The following CEP83 variants were observed in gnomAD, a reference collection of about 807,000 sequenced individuals.
CEP83 encodes the protein centrosomal protein 83.
In CEP83, 70 loss-of-function variants were observed where a neutral mutation model predicts 101.9. That is an observed-to-expected ratio of 0.69 (90% CI 0.57 to 0.84). The LOEUF (loss-of-function observed/expected upper bound fraction) is 0.84. Among genes scored for constraint, CEP83 ranks in the 40% least tolerant of loss-of-function variants. The probability of loss-of-function intolerance (pLI) is 0.00; values close to 1 mark genes in which losing one functional copy is unlikely to be tolerated. For synonymous variants in CEP83, 264 were observed against 267.9 expected, an observed-to-expected ratio of 0.99 and a Z score of 0.14; for missense variants, 715 against 787.2, an observed-to-expected ratio of 0.91 and a Z score of 1.10.
At chr12:94,292,469 C>G in the CEP83 span, among the ~76,000 whole-genome samples, 1 of 152,112 alleles carries the variant, frequency 6.6e-6, no homozygotes, top group African/African-American at 2.4e-5. Flanking sequence ...CATTTCAAAG[C>G]TTTTATTAAA....
At chr12:94,383,974 C>T (rs2061993125) in intron 6 of CEP83, among the ~76,000 whole-genome samples, 1 of 152,032 alleles carries the variant, frequency 6.6e-6, no homozygotes, top group Non-Finnish European at 1.5e-5. Flanking sequence ...TTACTTCAAC[C>T]ACCAAACAAA....
intron 14 of CEP83, among the ~76,000 whole-genome samples, chr12:94,315,806 T>C (rs1277762354): frequency 6.6e-6 from 1 of 152,126 alleles, no homozygotes; most frequent in East Asian, 1.9e-4. Flanking sequence ...ACATCCTTTA[T>C]CGAAATGCAG....
At position 94,415,203 on chromosome 12, in the gene CEP83, GAC is replaced by G. The variant is rs1241523224; in HGVS notation, c.-101-2614_-101-2613del. Among the ~76,000 whole-genome samples, 10 of 152,104 alleles carry G rather than the reference GAC, an allele frequency of 6.6e-5. No individual in the cohort carries two copies. The East Asian group carries it at 1.9e-3, about 29-fold the overall frequency. ...TGTATTTTTGGTAAGAAAAGAGAATGACAGTAATTTTTGTATAAAAAAACTTA... is the reference window on the plus strand; with the variant it reads ...TGTATTTTTGGTAAGAAAAGAGAATGAGTAATTTTTGTATAAAAAAACTTA... On this transcript the variant is annotated intron_variant, in intron 2 of 16. Transcript: ENST00000397809.
the CEP83 span, among the ~76,000 whole-genome samples, chr12:94,296,919 A>G: frequency 1.3e-5 from 2 of 152,172 alleles, no homozygotes; most frequent in Admixed American, 1.3e-4. Context: ...TTGTTAAATG[A>G]ATGAGGCTTG....
intron 2 of CEP83, chr12:94,423,709 T>G (rs1288162979): frequency 8.1e-6 from 13 of 1,606,694 alleles, no homozygotes; most frequent in Non-Finnish European, 1.1e-5. Context: ...AGAATTCATT[T>G]CTACTCAGTA....
chr12:94,353,241 C>T (rs1009013927), intron 11 of CEP83, among the ~76,000 whole-genome samples: 9 of 152,038 alleles, frequency 5.9e-5, no homozygotes, highest in African/African-American at 2.2e-4. Context: ...AATACTATAC[C>T]CAGCAAAACT....
intron 4 of CEP83, among the ~76,000 whole-genome samples, chr12:94,410,203 GAC>G (rs892836883): frequency 1.3e-5 from 2 of 152,008 alleles, no homozygotes; most frequent in Non-Finnish European, 2.9e-5. Flanking sequence ...AAACACTGAA[GAC>G]ACACTGAAAA....
At chr12:94,412,891 C>T (rs1053219743) in intron 2 of CEP83, among the ~76,000 whole-genome samples, 14 of 150,546 alleles carry the variant, frequency 9.3e-5, no homozygotes, top group East Asian at 2.0e-4. Flanking sequence ...CTCGCTCGTT[C>T]GCCCAGGCTG....
chr12:94,376,455 T>C (rs530225021), intron 7 of CEP83, among the ~76,000 whole-genome samples: 30 of 151,780 alleles, frequency 2.0e-4, no homozygotes, highest in African/African-American at 6.0e-4. Flanking sequence ...TCAATGATTT[T>C]AAAAAAAGAA....
intron 8 of CEP83, among the ~76,000 whole-genome samples, chr12:94,371,837 C>T (rs911800251): frequency 6.6e-6 from 1 of 152,162 alleles, no homozygotes; most frequent in Non-Finnish European, 1.5e-5. Context: ...AAATCCTCAT[C>T]CAAAGGAAAT....
At chr12:94,374,308 C>T (rs1041208197) in intron 8 of CEP83, among the ~76,000 whole-genome samples, 3 of 152,192 alleles carry the variant, frequency 2.0e-5, no homozygotes, top group Non-Finnish European at 4.4e-5. Context: ...GAAGCCAGCA[C>T]ATCCCATGTC....
intron 2 of CEP83, chr12:94,424,588 T>C: frequency 3.1e-6 from 5 of 1,613,546 alleles, no homozygotes; most frequent in Non-Finnish European, 4.2e-6. Context: ...CCTGTTGCTT[T>C]ACCATCTGTG....
chr12:94,394,916 A>C (rs1431410297), intron 6 of CEP83, among the ~76,000 whole-genome samples: 3 of 152,242 alleles, frequency 2.0e-5, no homozygotes, highest in Non-Finnish European at 4.4e-5. Flanking sequence ...TCAAAACCAC[A>C]ATGAGATACC....
At chr12:94,302,075 T>C (rs1331575753), downstream of CEP83, among the ~76,000 whole-genome samples, 3 of 152,190 alleles carry the variant, frequency 2.0e-5, no homozygotes, top group Non-Finnish European at 4.4e-5. Context: ...TCACTGTCTC[T>C]CAGGTAATCT....
the CEP83 span, among the ~76,000 whole-genome samples, chr12:94,276,025 T>C: frequency 1.6e-4 from 25 of 152,340 alleles, no homozygotes; most frequent in African/African-American, 5.1e-4. Flanking sequence ...GTGGAGGCAG[T>C]GGCAGATTTA....
intron 1 of CEP83, among the ~76,000 whole-genome samples, chr12:94,444,768 T>C (rs1441925986): frequency 6.6e-6 from 1 of 151,970 alleles, no homozygotes. Flanking sequence ...GAGGTCGAGG[T>C]GGGAGGCTCA....
At chr12:94,391,602 T>C (rs1234104537) in intron 6 of CEP83, among the ~76,000 whole-genome samples, 2 of 152,150 alleles carry the variant, frequency 1.3e-5, no homozygotes, top group African/African-American at 2.4e-5. Context: ...AACATCGTAA[T>C]GACAGGATCA....
chr12:94,406,027 G>C (rs1291730577), intron 4 of CEP83, among the ~76,000 whole-genome samples: 1 of 152,132 alleles, frequency 6.6e-6, no homozygotes, highest in East Asian at 1.9e-4. Flanking sequence ...AATAGTTTCT[G>C]TTCCCCAAAA....
chr12:94,270,149 C>A, the CEP83 span, among the ~76,000 whole-genome samples: 1 of 152,140 alleles, frequency 6.6e-6, no homozygotes, highest in African/African-American at 2.4e-5. Context: ...AGATAGAAAG[C>A]ATTTTCCAGA....
Sources: allele counts gnomAD v4.1 joint callset (sites outside exome capture counted in the v4.1 genomes callset), GRCh38; gene constraint gnomAD v4.1.1; transcripts MANE v1.5; gene names NCBI Gene and HGNC (gene_info 2026-07-23, HGNC 2026-07-21).